Variants in MBLAC2 observed in about 807,000 individuals in gnomAD.
MBLAC2 encodes metallo-beta-lactamase domain containing 2.
Under a neutral mutation model 23.3 loss-of-function variants are expected in MBLAC2, and 24 were observed. The ratio of observed to expected loss-of-function variants is 1.03; its 90% CI spans 0.75 to 1.45. The LOEUF (loss-of-function observed/expected upper bound fraction) is 1.45. Ranked by LOEUF, MBLAC2 falls within the 40% of genes most tolerant of loss-of-function variation. The pLI, the probability that MBLAC2 is intolerant of heterozygous loss-of-function variation, is 0.00. For missense variants in MBLAC2, 358 were observed against 370.0 expected (o/e 0.97, Z 0.27); for synonymous variants, 162 against 150.9 (o/e 1.07, Z -0.54).
rs1023969582 is a variant in MBLAC2 at position 90,474,510 on chromosome 5, G to A, written c.-218C>T. On this transcript the variant is annotated 5_prime_UTR_variant, in exon 1 of 2. Coordinates refer to ENST00000316610, the MANE Select transcript of MBLAC2 (RefSeq NM_203406.2). ...CGTGCGCTCCCGCACCCTTCCGCCAGGTCGGCAGCAAGCAGAGGCTGCGCC... is the reference window on the plus strand; with the variant it reads ...CGTGCGCTCCCGCACCCTTCCGCCAAGTCGGCAGCAAGCAGAGGCTGCGCC... The A allele has an allele frequency of 2.4e-5, 13 of 548,292 alleles. No homozygotes were observed. The highest frequency in any genetic ancestry group is 1.1e-4 in the Admixed American group (3 of 28,120). The allele number at this position is 548,292 out of a possible 1,614,324, so 34.0% of individuals were successfully genotyped here. A position where few individuals can be genotyped will look rare whatever the true frequency, so the allele number is the denominator to read the frequency against.
intron 1 of MBLAC2, chr5:90,471,939 CT>C (rs1750555586): frequency 6.6e-6 from 1 of 152,138 alleles, no homozygotes; most frequent in South Asian, 2.1e-4. Flanking sequence ...AAACATTAAG[CT>C]TTCTTTTCAC....
chr5:90,473,929 C>G lies in MBLAC2; in HGVS notation c.364G>C (p.Asp122His). 2 of 1,605,500 alleles carry G rather than the reference C, an allele frequency of 1.2e-6. No individual in the cohort carries two copies. Among genetic ancestry groups the G allele is most frequent in the Non-Finnish European group, 1.7e-6 (2 of 1,176,786 alleles). Reference sequence around the variant, plus strand: ...CTGGGCGTCCGCACCACCTCGCTATCGGAAAGCCAGGTCACGGTCTCAAAG... The same window carrying G: ...CTGGGCGTCCGCACCACCTCGCTATGGGAAAGCCAGGTCACGGTCTCAAAG... ...DNFETVTWLS[D>H]SEVVRTPSPG... Residue 122 changes from aspartate (D) to histidine (H), a missense_variant, in exon 1 of 2, where the codon GAT becomes CAT. Asp to His is a moderately conservative substitution (Grantham distance 81, BLOSUM62 -1). Coordinates refer to ENST00000316610, the MANE Select transcript of MBLAC2 (RefSeq NM_203406.2).
At chr5:90,461,819 T>G (rs578010305) in intron 1 of MBLAC2, among the ~76,000 whole-genome samples, 1 of 152,336 alleles carries the variant, frequency 6.6e-6, no homozygotes, top group African/African-American at 2.4e-5. Context: ...GGTAGTTCTG[T>G]GGTCAAATAA....
In MBLAC2 at chr5:90,473,995, C is replaced by A. The variant is rs757124465; in HGVS notation, c.298G>T (p.Val100Leu). 7.5e-6 allele frequency: 12 copies of A among 1,598,954 alleles called. No homozygotes were observed. The highest frequency in any genetic ancestry group is 1.0e-5 in the Non-Finnish European group (12 of 1,173,918). ...AGCGCCTCGGCCTCGGCGTGGTGCA[C>A]TGCCACGCGGTCGAACTGGTAGAGG... ...GGLYQFDRVAVHHAEAEALAR... is the reference protein window; with the variant it reads ...GGLYQFDRVALHHAEAEALAR... Residue 100 changes from valine (V) to leucine (L), a missense_variant, in exon 1 of 2, where the codon GTG (valine) becomes TTG (leucine). Coordinates refer to ENST00000316610, the MANE Select transcript of MBLAC2 (RefSeq NM_203406.2).
Position 90,460,896 on chromosome 5 carries a change from G to T in MBLAC2, c.*271C>A. On this transcript the variant is annotated 3_prime_UTR_variant, in exon 2 of 2. Transcript: ENST00000316610. ...TTCTCTTGCCACAAAATCTCTCTTT[G>T]CTTCCCCATAAACCTTTATGTCATT... The T allele has an allele frequency of 7.2e-6, 2 of 276,550 alleles. No homozygotes were observed. Among genetic ancestry groups the T allele is most frequent in the East Asian group, 6.6e-5 (1 of 15,048 alleles). 17.1% of individuals were successfully genotyped at this position (276,550 alleles called of 1,614,324 possible). A position where few individuals can be genotyped will look rare whatever the true frequency, so the allele number is the denominator to read the frequency against.
rs1177158330 is a variant in MBLAC2, at chr5:90,461,131, T to C, written c.*36A>G. 2 of 1,434,374 alleles carry C rather than the reference T, an allele frequency of 1.4e-6. No individual in the cohort carries two copies. Among genetic ancestry groups the C allele is most frequent in the African/African-American group, 1.5e-5 (1 of 68,924 alleles). The allele number at this position is 1,434,374 out of a possible 1,614,324, so 88.9% of individuals were successfully genotyped here. ...TTAAATAGCACAGAATGAATTAATGTATATAATTAATCAAAATATATTATC... is the reference window on the plus strand; with the variant it reads ...TTAAATAGCACAGAATGAATTAATGCATATAATTAATCAAAATATATTATC... On this transcript the variant is annotated 3_prime_UTR_variant, in exon 2 of 2. Coordinates refer to ENST00000316610, the MANE Select transcript of MBLAC2 (RefSeq NM_203406.2).
chr5:90,473,356 G>T, intron 1 of MBLAC2: 1 of 338,344 alleles, frequency 3.0e-6, no homozygotes, highest in Non-Finnish European at 5.4e-6. Flanking sequence ...GCTACAGGTG[G>T]GAACTGCCCA....
At chr5:90,465,125 G>T (rs1316917000) in intron 1 of MBLAC2, among the ~76,000 whole-genome samples, 3 of 151,958 alleles carry the variant, frequency 2.0e-5, no homozygotes, top group Non-Finnish European at 2.9e-5. Flanking sequence ...AAAAGCTAGA[G>T]AACTAAAAAG....
At position 90,460,749 on chromosome 5, in the gene MBLAC2, A is replaced by C. The variant is rs976414546; in HGVS notation, c.*418T>G. The stretch of plus-strand genomic sequence containing the variant: ...GTTCTAATGTATTTTAAACCCAAGA[A>C]CCTTTATCTTTAAATAATACACTAA... On this transcript the variant is annotated 3_prime_UTR_variant, in exon 2 of 2. Coordinates refer to ENST00000316610, the MANE Select transcript of MBLAC2 (RefSeq NM_203406.2). 4 of 154,370 alleles carry C rather than the reference A, an allele frequency of 2.6e-5. No homozygotes were observed. Among genetic ancestry groups the C allele is most frequent in the Non-Finnish European group, 5.8e-5 (4 of 69,564 alleles). The allele number at this position is 154,370 out of a possible 1,614,324, so 9.6% of individuals were successfully genotyped here. A position where few individuals can be genotyped will look rare whatever the true frequency, so the allele number is the denominator to read the frequency against.
chr5:90,464,541 C>T (rs982387121), intron 1 of MBLAC2, among the ~76,000 whole-genome samples: 12 of 151,950 alleles, frequency 7.9e-5, no homozygotes, highest in South Asian at 6.2e-4. Context: ...TCTATGATGG[C>T]GCCATTGCAC....
At chr5:90,467,192 T>A (rs952918530) in intron 1 of MBLAC2, among the ~76,000 whole-genome samples, 4 of 152,194 alleles carry the variant, frequency 2.6e-5, no homozygotes, top group African/African-American at 9.6e-5. Context: ...ATCTATTAAG[T>A]CCATTTGTTC....
At chr5:90,466,530 T>C (rs1750449585) in intron 1 of MBLAC2, among the ~76,000 whole-genome samples, 1 of 152,202 alleles carries the variant, frequency 6.6e-6, no homozygotes, top group South Asian at 2.1e-4. Context: ...TTATAAACTT[T>C]CTTGCTTAAA....
At position 90,458,864 on chromosome 5, in the gene MBLAC2, T is replaced by C. The variant is rs2151890721; in HGVS notation, c.*2303A>G. On this transcript the variant is annotated 3_prime_UTR_variant, in exon 2 of 2. Coordinates refer to ENST00000316610, the MANE Select transcript of MBLAC2 (RefSeq NM_203406.2). The stretch of plus-strand genomic sequence containing the variant: ...TTTACCTTATTTATTCACATTGAAG[T>C]AATAGCAAAATATCACAGTTCTATG... 1 of 152,586 alleles carries C rather than the reference T, an allele frequency of 6.6e-6. No individual in the cohort carries two copies. The highest frequency in any genetic ancestry group is 2.4e-5 in the African/African-American group (1 of 41,556). 9.5% of individuals were successfully genotyped at this position (152,586 alleles called of 1,614,324 possible).
At chr5:90,463,433 G>A (rs1373996172) in intron 1 of MBLAC2, among the ~76,000 whole-genome samples, 3 of 151,888 alleles carry the variant, frequency 2.0e-5, no homozygotes, top group South Asian at 2.1e-4. Context: ...AAATTAGGAA[G>A]AACAAAAATA....
chr5:90,463,451 G>A (rs1178434910), intron 1 of MBLAC2, among the ~76,000 whole-genome samples: 1 of 152,042 alleles, frequency 6.6e-6, no homozygotes, highest in Non-Finnish European at 1.5e-5. Flanking sequence ...ATAAATATGG[G>A]CAATATTCAA....
chr5:90,463,894 A>G (rs1053163436), intron 1 of MBLAC2, among the ~76,000 whole-genome samples: 7 of 152,310 alleles, frequency 4.6e-5, no homozygotes, highest in African/African-American at 1.7e-4. Context: ...AATAGGAATT[A>G]AAGAAGGAAC....
rs754152613 is a variant in MBLAC2, at chr5:90,459,610, C to T, written c.*1557G>A. The T allele has an allele frequency of 3.3e-5, 5 of 152,128 alleles. No individual in the cohort carries two copies. The highest frequency in any genetic ancestry group is 6.5e-5 in the Admixed American group (1 of 15,268). The allele number at this position is 152,128 out of a possible 1,614,324, so 9.4% of individuals were successfully genotyped here. A position where few individuals can be genotyped will look rare whatever the true frequency, so the allele number is the denominator to read the frequency against. On this transcript the variant is annotated 3_prime_UTR_variant, in exon 2 of 2. Transcript: ENST00000316610. ...CACCCCTCCATTTATGTCCCTTACACGCATGTATAATGTACATTAACTTGC... is the reference window on the plus strand; with the variant it reads ...CACCCCTCCATTTATGTCCCTTACATGCATGTATAATGTACATTAACTTGC...
In MBLAC2 at chr5:90,474,543, C is replaced by T; in HGVS notation, c.-251G>A. The T allele has an allele frequency of 5.8e-6, 3 of 518,172 alleles. No homozygotes were observed. Among genetic ancestry groups the T allele is most frequent in the South Asian group, 2.4e-5 (1 of 42,026 alleles). The allele number at this position is 518,172 out of a possible 1,614,324, so 32.1% of individuals were successfully genotyped here. ...GCAAGCAGAGGCTGCGCCACCAGCACGGGGGCGCAGGAGCTACCGCAGCCT... is the reference window on the plus strand; with the variant it reads ...GCAAGCAGAGGCTGCGCCACCAGCATGGGGGCGCAGGAGCTACCGCAGCCT... On this transcript the variant is annotated 5_prime_UTR_variant, in exon 1 of 2. It adds an upstream start codon to the 5' untranslated region. Coordinates refer to ENST00000316610, the MANE Select transcript of MBLAC2 (RefSeq NM_203406.2).
At chr5:90,467,744 T>TG (rs1384331534) in intron 1 of MBLAC2, among the ~76,000 whole-genome samples, 3 of 102,990 alleles carry the variant, frequency 2.9e-5, no homozygotes, top group Non-Finnish European at 4.0e-5. Context: ...CCTTCTTTTT[T>TG]TGGGGGGGGC....
Sources: allele counts gnomAD v4.1 joint callset (sites outside exome capture counted in the v4.1 genomes callset), GRCh38; gene constraint gnomAD v4.1.1; transcripts MANE v1.5; gene names NCBI Gene and HGNC (gene_info 2026-07-23, HGNC 2026-07-21).